The following TNS3 variants were observed in gnomAD, a reference collection of about 807,000 sequenced individuals.
The protein encoded by TNS3 is tensin 3.
A neutral mutation model predicts 140.9 loss-of-function variants in TNS3; 45 were observed. That is an observed-to-expected ratio of 0.32 (90% CI 0.25 to 0.41). The LOEUF is 0.41. TNS3 is among the 10% of genes least tolerant of loss of function. TNS3 has a pLI of 1.00. For synonymous variants in TNS3, 815 were observed against 788.4 expected, an observed-to-expected ratio of 1.03 and a Z score of -0.56; for missense variants, 1,716 against 1,906.7, an observed-to-expected ratio of 0.90 and a Z score of 1.86.
intron 16 of TNS3, among the ~76,000 whole-genome samples, chr7:47,391,698 T>A (rs1029204783): frequency 1.3e-5 from 2 of 152,110 alleles, no homozygotes; most frequent in African/African-American, 4.8e-5. Flanking sequence ...GTGGTGACAA[T>A]ACAAATCCAG....
At chr7:47,361,466 C>T (rs1790328696) in intron 17 of TNS3, among the ~76,000 whole-genome samples, 1 of 152,172 alleles carries the variant, frequency 6.6e-6, no homozygotes, top group Admixed American at 6.5e-5. Flanking sequence ...GCTGAGCACC[C>T]CCAGCACGTT....
chr7:47,524,671 G>GGGCAGGCGTGGTGGCA (rs1799115977), intron 2 of TNS3, among the ~76,000 whole-genome samples: 1 of 149,492 alleles, frequency 6.7e-6, no homozygotes, highest in Non-Finnish European at 1.5e-5. Context: ...GCGCGGTGGC[G>GGGCAGGCGTGGTGGCA]GGCGCCTGTA....
chr7:47,544,985 G>A (rs966313351), intron 1 of TNS3, among the ~76,000 whole-genome samples: 19 of 151,934 alleles, frequency 1.3e-4, no homozygotes, highest in African/African-American at 4.4e-4. Context: ...CACGATGTTA[G>A]GACTTACTCT....
intron 23 of TNS3, 54 bp downstream of exon 23, chr7:47,302,132 G>A (rs529963823): frequency 1.4e-6 from 2 of 1,466,638 alleles, no homozygotes; most frequent in South Asian, 1.1e-5. Context: ...ACACAAGGCA[G>A]CGAAGCGGGC....
chr7:47,422,642 ATG>A (rs1448196952), intron 10 of TNS3, among the ~76,000 whole-genome samples: 1 of 152,064 alleles, frequency 6.6e-6, no homozygotes, highest in Non-Finnish European at 1.5e-5. Context: ...GAAAAAAAAA[ATG>A]AAGAGATATC....
rs1790908973 is a variant in TNS3 at position 47,369,265 on chromosome 7, G to C, written c.1381C>G (p.Gln461Glu). The C allele has an allele frequency of 6.2e-7, 1 of 1,614,186 alleles. No individual in the cohort carries two copies. The highest frequency in any genetic ancestry group is 8.5e-7 in the Non-Finnish European group (1 of 1,180,038). ...YSGTRHVVPA[Q>E]VHVNGDAALK... Reference sequence around the variant, plus strand: ...GCAGCGTCTCCATTCACGTGAACCTGGGCTGGCACCACGTGGCGGGTCCCA... The same window carrying C: ...GCAGCGTCTCCATTCACGTGAACCTCGGCTGGCACCACGTGGCGGGTCCCA... The change falls in exon 17 of 31, where the codon CAG (glutamine) becomes GAG (glutamate). Residue 461 changes from glutamine (Q) to glutamate (E), a missense_variant. Coordinates refer to ENST00000311160, the MANE Select transcript of TNS3 (RefSeq NM_022748.12).
At chr7:47,423,955 C>T (rs1794512020) in intron 10 of TNS3, 146 bp downstream of exon 10, 1 of 794,714 alleles carries the variant, frequency 1.3e-6, no homozygotes, top group East Asian at 2.8e-5. Flanking sequence ...GGACAAGTCT[C>T]CCCACCACCT....
intron 17 of TNS3, 129 bp downstream of exon 17, chr7:47,368,234 GAA>G: frequency 1.0e-6 from 1 of 1,004,212 alleles, no homozygotes; most frequent in Non-Finnish European, 1.3e-6. Flanking sequence ...CACAAGAGTT[GAA>G]ACTGCAAGGG....
chr7:47,556,000 G>T (rs1293652047), intron 1 of TNS3, among the ~76,000 whole-genome samples: 9 of 152,326 alleles, frequency 5.9e-5, no homozygotes, highest in Non-Finnish European at 1.5e-5. Flanking sequence ...AGGTGTGCAT[G>T]CATGCATGCA....
At chr7:47,297,721 C>A (rs1409997171) in intron 23 of TNS3, among the ~76,000 whole-genome samples, 1 of 151,692 alleles carries the variant, frequency 6.6e-6, no homozygotes, top group African/African-American at 2.4e-5. Context: ...CCCCCTGTGG[C>A]ATTTTTCTTA....
In TNS3 at chr7:47,376,218, A is replaced by G. The variant is rs141579854; in HGVS notation, c.1025-6597T>C. On this transcript the variant is annotated intron_variant, in intron 16 of 30. Transcript: ENST00000311160. ...TGGGGAACAGAGAGAGAAACAAGAG[A>G]TGGAAAGGGTGGTGGGCACATTTCA... 8.0e-3 allele frequency among the ~76,000 whole-genome samples: 1,225 copies of G among 152,314 alleles called. 19 individuals are homozygous for G. Among genetic ancestry groups the G allele is most frequent in the African/African-American group, 0.028 (1,164 of 41,564 alleles).
At chr7:47,319,205 T>C (rs1190949749) in intron 20 of TNS3, among the ~76,000 whole-genome samples, 1 of 152,214 alleles carries the variant, frequency 6.6e-6, no homozygotes, top group African/African-American at 2.4e-5. Context: ...CTCACGGTTC[T>C]GAAGGCTGTA....
intron 2 of TNS3, among the ~76,000 whole-genome samples, chr7:47,519,761 G>A (rs2151914721): frequency 6.7e-6 from 1 of 148,674 alleles, no homozygotes; most frequent in African/African-American, 2.5e-5. Flanking sequence ...GTCTGGCTGA[G>A]TCATGCAGAG....
chr7:47,406,004 A>G (rs1383505432), intron 13 of TNS3, among the ~76,000 whole-genome samples: 2 of 152,098 alleles, frequency 1.3e-5, no homozygotes, highest in African/African-American at 4.8e-5. Flanking sequence ...GGAGGGAGCA[A>G]GCCGGATCAG....
At chr7:47,546,720 C>G (rs1799930420) in intron 1 of TNS3, among the ~76,000 whole-genome samples, 1 of 152,174 alleles carries the variant, frequency 6.6e-6, no homozygotes, top group Non-Finnish European at 1.5e-5. Flanking sequence ...GCTTCTCATC[C>G]CATGTCTGCA....
intron 1 of TNS3, among the ~76,000 whole-genome samples, chr7:47,555,126 C>T (rs1041191324): frequency 6.6e-6 from 1 of 151,904 alleles, no homozygotes; most frequent in Non-Finnish European, 1.5e-5. Flanking sequence ...TGTGGTCGGG[C>T]GTGGTGGCTC....
At chr7:47,563,884 G>T (rs1800367028) in intron 1 of TNS3, among the ~76,000 whole-genome samples, 4 of 152,158 alleles carry the variant, frequency 2.6e-5, no homozygotes, top group Non-Finnish European at 5.9e-5. Flanking sequence ...TTGCATGAGG[G>T]TATTTTTTAC....
intron 4 of TNS3, among the ~76,000 whole-genome samples, chr7:47,480,096 T>C (rs1797359893): frequency 6.6e-6 from 1 of 152,200 alleles, no homozygotes; most frequent in African/African-American, 2.4e-5. Flanking sequence ...GGGAAGGATG[T>C]CCTACTGCAC....
intron 6 of TNS3, 61 bp from the exon 7 acceptor site, chr7:47,437,374 A>T: frequency 1.9e-5 from 14 of 754,852 alleles, no homozygotes; most frequent in Non-Finnish European, 2.6e-5. Flanking sequence ...AAAAATTAAT[A>T]CTTTAATTTT....
Sources: gnomAD v4.1 joint callset for allele counts (sites outside exome capture counted in the v4.1 genomes callset) on GRCh38, gnomAD v4.1.1 for gene constraint, MANE v1.5 for transcripts, NCBI Gene and HGNC (gene_info 2026-07-23, HGNC 2026-07-21) for gene names.